The following PRDM16 variants were observed in gnomAD, a reference collection of about 807,000 sequenced individuals.
The protein encoded by PRDM16 is histone-lysine N-methyltransferase PRDM16.
Under a neutral mutation model 110.6 loss-of-function variants are expected in PRDM16, and 23 were observed. The observed-to-expected ratio is 0.21, with a 90% CI of 0.15 to 0.29. PRDM16 has a LOEUF of 0.29. Among genes scored for constraint, PRDM16 ranks in the 10% least tolerant of loss-of-function variants. PRDM16 has a pLI of 1.00. For missense variants in PRDM16, 1,615 were observed against 1,794.3 expected, an observed-to-expected ratio of 0.90 and a Z score of 1.81; for synonymous variants, 799 against 781.8, an observed-to-expected ratio of 1.02 and a Z score of -0.37.
In PRDM16 at chr1:3,411,798, T is replaced by C. The variant is rs1188025398; in HGVS notation, c.1601T>C (p.Leu534Pro). 1 of 1,611,876 alleles carries C rather than the reference T, an allele frequency of 6.2e-7. No individual in the cohort carries two copies. The change falls in exon 9 of 17, where the codon CTG becomes CCG. Residue 534 changes from leucine to proline, a missense_variant. Leu to Pro is a moderately conservative substitution (Grantham distance 98). Transcript: ENST00000270722. ...PRPPLLPPTS[L>P]LKSPLNHTQD... is the part of the protein sequence containing the mutation. The stretch of plus-strand genomic sequence containing the variant: ...CCGCCTCTGCTACCTCCCACATCGC[T>C]GCTCAAGAGCCCCCTGAACCACACC...
At chr1:3,089,720 C>T (rs761355459) in intron 1 of PRDM16, among the ~76,000 whole-genome samples, 5 of 152,200 alleles carry the variant, frequency 3.3e-5, no homozygotes, top group Admixed American at 6.5e-5. Context: ...CTGGTCATTA[C>T]GTCTCCTCCG....
chr1:3,203,245 T>C (rs1163777799), intron 2 of PRDM16, among the ~76,000 whole-genome samples: 4 of 151,664 alleles, frequency 2.6e-5, no homozygotes, highest in African/African-American at 7.3e-5. Flanking sequence ...ATCCTTGAGA[T>C]GGTTGCGTCC....
intron 3 of PRDM16, among the ~76,000 whole-genome samples, chr1:3,285,462 C>T (rs1043496964): frequency 5.3e-5 from 8 of 152,188 alleles, no homozygotes; most frequent in East Asian, 1.9e-4. Context: ...GCCGCTGTGT[C>T]GCCCCCACTC....
At position 3,437,023 on chromosome 1, in the gene PRDM16, G is replaced by A. The variant is rs1638927884; in HGVS notation, c.*3212G>A. The A allele has an allele frequency of 8.6e-6, 2 of 233,012 alleles. No homozygotes were observed. Among genetic ancestry groups the A allele is most frequent in the South Asian group, 1.8e-4 (1 of 5,518 alleles). 14.4% of individuals were successfully genotyped at this position (233,012 alleles called of 1,614,324 possible). A position where few individuals can be genotyped will look rare whatever the true frequency, so the allele number is the denominator to read the frequency against. ...CCGTTCCTGCTCTCATCCCCAGGTT[G>A]GGCACGTGGGGTTCCTCCTCTGTGG... On this transcript the variant is annotated 3_prime_UTR_variant, in exon 17 of 17. Coordinates refer to ENST00000270722, the MANE Select transcript of PRDM16 (RefSeq NM_022114.4).
intron 1 of PRDM16, among the ~76,000 whole-genome samples, chr1:3,177,206 C>T (rs760580876): frequency 9.2e-5 from 14 of 151,950 alleles, no homozygotes; most frequent in East Asian, 1.9e-4. Flanking sequence ...TCCATCCATT[C>T]GTAAATTCAT....
At chr1:3,183,563 C>T (rs555257640) in intron 1 of PRDM16, among the ~76,000 whole-genome samples, 2 of 152,334 alleles carry the variant, frequency 1.3e-5, no homozygotes, top group South Asian at 2.1e-4. Flanking sequence ...TGTGGGCAAT[C>T]GCTTAACCCC....
intron 3 of PRDM16, among the ~76,000 whole-genome samples, chr1:3,305,399 G>A (rs775766666): frequency 1.3e-5 from 2 of 152,184 alleles, no homozygotes; most frequent in Non-Finnish European, 2.9e-5. Flanking sequence ...CCGCCTCGCT[G>A]TGCTGCCTCC....
At chr1:3,135,838 C>T (rs543597654) in intron 1 of PRDM16, among the ~76,000 whole-genome samples, 78 of 152,344 alleles carry the variant, frequency 5.1e-4, no homozygotes, top group African/African-American at 1.6e-3. Context: ...CTCCCTGGGC[C>T]GGGTCTCCCT....
At chr1:3,135,498 G>A (rs983402909) in intron 1 of PRDM16, among the ~76,000 whole-genome samples, 10 of 152,238 alleles carry the variant, frequency 6.6e-5, no homozygotes, top group Admixed American at 1.3e-4. Context: ...CTTAGCAGCC[G>A]CTGCCAAGGC....
intron 1 of PRDM16, among the ~76,000 whole-genome samples, chr1:3,073,078 C>G (rs1489509155): frequency 6.6e-6 from 1 of 152,242 alleles, no homozygotes; most frequent in Non-Finnish European, 1.5e-5. Context: ...AGAGCAGGTG[C>G]CAGCCCGACA....
intron 11 of PRDM16, 54 bp from the exon 12 acceptor site, chr1:3,418,613 C>A: frequency 5.8e-6 from 7 of 1,213,678 alleles, no homozygotes; most frequent in Non-Finnish European, 7.3e-6. Flanking sequence ...TGGGAAATGG[C>A]CATGTAAGCC....
chr1:3,231,385 T>TCAAGGCCGTCCCCCCTTCTCCGTCGTCAG (rs1408766435), intron 2 of PRDM16, among the ~76,000 whole-genome samples: 1 of 92,954 alleles, frequency 1.1e-5, no homozygotes, highest in African/African-American at 8.6e-5. Flanking sequence ...CCCGTCGTCA[T>TCAAGGCCGTCCCCCCTTCTCCGTCGTCAG]GGACAGCGGT....
rs948659002 is a variant in PRDM16, at chr1:3,353,370, C to T, written c.439-31782C>T. On this transcript the variant is annotated intron_variant, in intron 3 of 16. Transcript: ENST00000270722. The surrounding 1 kb of genome is among the most constrained non-coding windows in gnomAD (Gnocchi z 5.4). ...AGGGCCCTCATTGGGTGAGGGAGGC[C>T]CGGGGTATTTCTTGCCACATCTGAA... 1.3e-5 allele frequency among the ~76,000 whole-genome samples: 2 copies of T among 152,180 alleles called. No individual in the cohort carries two copies. The highest frequency in any genetic ancestry group is 4.8e-5 in the African/African-American group (2 of 41,446).
chr1:3,220,175 C>T lies in PRDM16; in HGVS notation c.388-23912C>T, dbSNP rs541465719. Among the ~76,000 whole-genome samples the T allele has an allele frequency of 5.9e-5, 9 of 152,338 alleles. No individual in the cohort carries two copies. In the East Asian group the frequency reaches 1.7e-3, roughly 29 times the overall value. On this transcript the variant is annotated intron_variant, in intron 2 of 16. Coordinates refer to ENST00000270722, the MANE Select transcript of PRDM16 (RefSeq NM_022114.4). ...AGGAATGCATCTTGTCCTCGCCGTG[C>T]CCACGCCGTCACTCCGTCTGCGGCA...
rs187853730 is a variant in PRDM16 at position 3,436,116 on chromosome 1, T to C, written c.*2305T>C. On this transcript the variant is annotated 3_prime_UTR_variant, in exon 17 of 17. Coordinates refer to ENST00000270722, the MANE Select transcript of PRDM16 (RefSeq NM_022114.4). The stretch of plus-strand genomic sequence containing the variant: ...TCCCTTGATCTAGATGGGATTCTTA[T>C]AAAAATTCAACCTCAGACATAAACA... 2 of 230,528 alleles carry C rather than the reference T, an allele frequency of 8.7e-6. No individual in the cohort carries two copies. The highest frequency in any genetic ancestry group is 1.3e-3 in the Middle Eastern group (1 of 762). The allele number at this position is 230,528 out of a possible 1,614,324, so 14.3% of individuals were successfully genotyped here. A position where few individuals can be genotyped will look rare whatever the true frequency, so the allele number is the denominator to read the frequency against.
intron 16 of PRDM16, among the ~76,000 whole-genome samples, 167 bp downstream of exon 16, chr1:3,432,307 G>A (rs981144945): frequency 2.6e-5 from 4 of 152,166 alleles, no homozygotes; most frequent in African/African-American, 9.7e-5. Context: ...CCGCCCTCCC[G>A]CAAGCTGGGG....
chr1:3,162,735 C>T (rs575667791), intron 1 of PRDM16, among the ~76,000 whole-genome samples: 1 of 152,368 alleles, frequency 6.6e-6, no homozygotes, highest in South Asian at 2.1e-4. Flanking sequence ...CTTCACCCTC[C>T]AGTCCTCCTG....
At chr1:3,285,920 G>A (rs965499456) in intron 3 of PRDM16, among the ~76,000 whole-genome samples, 1 of 152,210 alleles carries the variant, frequency 6.6e-6, no homozygotes, top group Non-Finnish European at 1.5e-5. Context: ...CTCCGCTGAC[G>A]AGAAAACCCA....
intron 1 of PRDM16, among the ~76,000 whole-genome samples, chr1:3,116,430 T>A (rs1642961802): frequency 6.6e-6 from 1 of 152,108 alleles, no homozygotes; most frequent in Non-Finnish European, 1.5e-5. Context: ...GCTCCCTTCC[T>A]GTGAGAATTT....
Sources: allele counts gnomAD v4.1 joint callset (sites outside exome capture counted in the v4.1 genomes callset), GRCh38; gene constraint gnomAD v4.1.1; non-coding constraint Gnocchi (gnomAD v3.1); transcripts MANE v1.5; gene names NCBI Gene and HGNC (gene_info 2026-07-23, HGNC 2026-07-21).